Variants in UBE4B observed in about 807,000 individuals in gnomAD.
UBE4B encodes ubiquitination factor E4B.
Under a neutral mutation model 148.1 loss-of-function variants are expected in UBE4B, and 27 were observed. The ratio of observed to expected loss-of-function variants is 0.18; its 90% CI spans 0.13 to 0.25. The LOEUF (loss-of-function observed/expected upper bound fraction) is 0.25. Among genes scored for constraint, UBE4B ranks in the 10% least tolerant of loss-of-function variants. The pLI is 1.00. For missense variants in UBE4B, 1,170 were observed against 1,662.4 expected, an observed-to-expected ratio of 0.70 and a Z score of 5.15; for synonymous variants, 596 against 619.3, an observed-to-expected ratio of 0.96 and a Z score of 0.56.
intron 20 of UBE4B, among the ~76,000 whole-genome samples, chr1:10,149,841 T>C (rs1280460722): frequency 3.9e-5 from 6 of 152,102 alleles, no homozygotes; most frequent in Non-Finnish European, 8.8e-5. Flanking sequence ...GAGGGAGTGG[T>C]ATGTGAAGTC....
In UBE4B at chr1:10,100,180, C is replaced by CG. The variant is rs1325320177; in HGVS notation, c.348-925dup. Among the ~76,000 whole-genome samples, 7 of 151,986 alleles carry CG rather than the reference C, an allele frequency of 4.6e-5. No homozygotes were observed. In the South Asian group the frequency reaches 8.3e-4, roughly 18 times the overall value. On this transcript the variant is annotated intron_variant, in intron 3 of 27. Coordinates refer to ENST00000343090, the MANE Select transcript of UBE4B (RefSeq NM_001105562.3). The stretch of plus-strand genomic sequence containing the variant: ...AATTTTTTGTATTTTTTAGTAGAGA[C>CG]GGGTTTCACCATGTTAGCCAGGATG...
chr1:10,140,297 A>G (rs1645764219), intron 17 of UBE4B, among the ~76,000 whole-genome samples: 1 of 152,144 alleles, frequency 6.6e-6, no homozygotes, highest in Non-Finnish European at 1.5e-5. Context: ...ATTGATTTCT[A>G]GATAAATTCC....
intron 2 of UBE4B, among the ~76,000 whole-genome samples, chr1:10,084,753 A>G (rs1024849719): frequency 6.8e-6 from 1 of 147,084 alleles, no homozygotes; most frequent in African/African-American, 2.5e-5. Flanking sequence ...GCTGGAGTGC[A>G]GTGGTGCGAT....
At position 10,103,105 on chromosome 1, in the gene UBE4B, C is replaced by A; in HGVS notation, c.580+13C>A. Reference sequence around the variant, plus strand: ...AACCCAAAAGAAGGTAGGAATCTAGCTCAGCAGTCTTACTGCAGAGTACTC... The same window carrying A: ...AACCCAAAAGAAGGTAGGAATCTAGATCAGCAGTCTTACTGCAGAGTACTC... On this transcript the variant is annotated intron_variant, in intron 5 of 27. Coordinates refer to ENST00000343090, the MANE Select transcript of UBE4B (RefSeq NM_001105562.3). The A allele has an allele frequency of 6.3e-7, 1 of 1,594,080 alleles. No individual in the cohort carries two copies.
At chr1:10,147,650 C>T (rs562764156) in intron 19 of UBE4B, among the ~76,000 whole-genome samples, 13 of 152,144 alleles carry the variant, frequency 8.5e-5, no homozygotes, top group African/African-American at 3.1e-4. Flanking sequence ...TTAAAATTTG[C>T]TATAAAGTCT....
intron 2 of UBE4B, among the ~76,000 whole-genome samples, chr1:10,087,949 C>A (rs933503305): frequency 3.3e-5 from 5 of 152,190 alleles, no homozygotes; most frequent in African/African-American, 1.2e-4. Flanking sequence ...AACTCACACA[C>A]ATTTATTTTA....
Position 10,095,545 on chromosome 1 carries a change from C to G in UBE4B, c.296C>G (p.Ser99Cys). 1 of 1,614,174 alleles carries G rather than the reference C, an allele frequency of 6.2e-7. No individual in the cohort carries two copies. Among genetic ancestry groups the G allele is most frequent in the Non-Finnish European group, 8.5e-7 (1 of 1,180,032 alleles). ...PSNSLETQSQ[S>C]LSRSQSMDID... ...AATAGCCTTGAAACGCAATCTCAGT[C>G]TCTCTCACGTTCCCAGAGCATGGAT... is the stretch of plus-strand genomic sequence containing the variant. Residue 99 changes from serine to cysteine, a missense_variant, in exon 3 of 28, where the codon TCT (serine) becomes TGT (cysteine). Physicochemically the swap from Ser to Cys is moderately radical, Grantham distance 112 (BLOSUM62 -1). This residue lies in a region of UBE4B where 127 missense variants were observed against 153.2 expected (regional missense o/e 0.83). Transcript: ENST00000343090.
At chr1:10,056,714 G>A (rs1040561220) in intron 1 of UBE4B, among the ~76,000 whole-genome samples, 54 of 152,352 alleles carry the variant, frequency 3.5e-4, no homozygotes, top group African/African-American at 1.3e-3. Flanking sequence ...CCTGGCCAGC[G>A]CTAGCTACGC....
intron 1 of UBE4B, among the ~76,000 whole-genome samples, chr1:10,045,584 T>C (rs1402716281): frequency 6.6e-6 from 1 of 152,216 alleles, no homozygotes; most frequent in African/African-American, 2.4e-5. Context: ...AGCATTGTTC[T>C]AGACCATGAG....
In UBE4B at chr1:10,132,447, G is replaced by T. The variant is rs950908669; in HGVS notation, c.1990G>T (p.Val664Phe). Residue 664 changes from valine (V) to phenylalanine (F), a missense_variant, in exon 15 of 28, where the codon GTC becomes TTC. Physicochemically the swap from Val to Phe is conservative, Grantham distance 50. Transcript: ENST00000343090. ...GGCTGCTCTCAGTTACATGGCGGCTGTCGTCAATGCCAATATGAAGAAAGC... is the reference window on the plus strand; with the variant it reads ...GGCTGCTCTCAGTTACATGGCGGCTTTCGTCAATGCCAATATGAAGAAAGC... ...REAALSYMAA[V>F]VNANMKKAQM... The T allele has an allele frequency of 6.2e-7, 1 of 1,614,194 alleles. No homozygotes were observed. Among genetic ancestry groups the T allele is most frequent in the Non-Finnish European group, 8.5e-7 (1 of 1,180,022 alleles).
At chr1:10,150,217 C>T (rs558607535) in intron 20 of UBE4B, among the ~76,000 whole-genome samples, 1 of 151,992 alleles carries the variant, frequency 6.6e-6, no homozygotes, top group Non-Finnish European at 1.5e-5. Context: ...GCAACATACA[C>T]AAAAAAACCC....
intron 1 of UBE4B, among the ~76,000 whole-genome samples, chr1:10,041,879 G>A (rs979558489): frequency 2.0e-5 from 3 of 151,836 alleles, no homozygotes; most frequent in African/African-American, 7.3e-5. Context: ...TGTATTTTTA[G>A]TAGAGGGGTT....
At chr1:10,043,688 A>G (rs1453901513) in intron 1 of UBE4B, among the ~76,000 whole-genome samples, 1 of 152,052 alleles carries the variant, frequency 6.6e-6, no homozygotes. Flanking sequence ...TCAGCCTCCC[A>G]AAGTGCTGGG....
chr1:10,161,999 C>CTTTTCTTTTTTTTTTTTTTTTTTTTTTTT lies in UBE4B; in HGVS notation c.3198+717_3198+718insCTTTTTTTTTTTTTTTTTTTTTTTTTTTT, dbSNP rs1553154002. Among the ~76,000 whole-genome samples the CTTTTCTTTTTTTTTTTTTTTTTTTTTTTT allele has an allele frequency of 1.5e-4, 20 of 137,252 alleles. No homozygotes were observed. The highest frequency in any genetic ancestry group is 2.7e-4 in the Non-Finnish European group (17 of 62,924). The allele number at this position is 137,252 out of a possible 152,430, so 90.0% of individuals were successfully genotyped here. A position where few individuals can be genotyped will look rare whatever the true frequency, so the allele number is the denominator to read the frequency against. ...GGGGACTGCTTTTTCTTCACTTTTT[C>CTTTTCTTTTTTTTTTTTTTTTTTTTTTTT]TTTTTTTTTTTTTTTTGAGACGGAG... On this transcript the variant is annotated intron_variant, in intron 23 of 27. Transcript: ENST00000343090. This position sits in a 1 kb window ranked among gnomAD's most constrained non-coding sequence, Gnocchi z 4.1.
intron 25 of UBE4B, 99 bp downstream of exon 25, chr1:10,171,428 TG>T: frequency 1.4e-6 from 2 of 1,417,096 alleles, no homozygotes; most frequent in African/African-American, 1.4e-5. Flanking sequence ...TGAAGATGAG[TG>T]GGTTGTTTTC....
intron 1 of UBE4B, among the ~76,000 whole-genome samples, chr1:10,044,615 C>T (rs1643877300): frequency 2.0e-5 from 3 of 151,992 alleles, no homozygotes; most frequent in Non-Finnish European, 4.4e-5. Context: ...GCCTGTCTCG[C>T]TTTGTCACCC....
At position 10,106,442 on chromosome 1, in the gene UBE4B, G is replaced by A; in HGVS notation, c.1055G>A (p.Ser352Asn). 6.2e-7 allele frequency: 1 copy of A among 1,613,796 alleles called. No individual in the cohort carries two copies. Among genetic ancestry groups the A allele is most frequent in the Non-Finnish European group, 8.5e-7 (1 of 1,179,924 alleles). ...GTCTCCATTCTGTCGAGCTCCCCAA[G>A]TCCCCCTGCCCTCGCCAGTAGCCCC... ...SGVSILSSSP[S>N]PPALASSPQA... is the part of the protein sequence containing the mutation. The change falls in exon 7 of 28, where the codon AGT (serine) becomes AAT (asparagine). Residue 352 changes from serine to asparagine, a missense_variant. Around this residue, in one of 6 missense-constraint regions of UBE4B, gnomAD observed 214 missense variants for 209.1 expected, o/e 1.02. Coordinates refer to ENST00000343090, the MANE Select transcript of UBE4B (RefSeq NM_001105562.3). The surrounding 1 kb of genome is among the most constrained non-coding windows in gnomAD (Gnocchi z 4.2).
chr1:10,165,991 C>G (rs1204225587), intron 23 of UBE4B, among the ~76,000 whole-genome samples: 2 of 152,170 alleles, frequency 1.3e-5, no homozygotes, highest in Non-Finnish European at 2.9e-5. Flanking sequence ...TTAGGTAGTT[C>G]ACGCCTGGCT....
At chr1:10,150,352 C>T (rs1202721108) in intron 20 of UBE4B, among the ~76,000 whole-genome samples, 1 of 152,046 alleles carries the variant, frequency 6.6e-6, no homozygotes, top group Non-Finnish European at 1.5e-5. Context: ...AAAATTTGTT[C>T]TATGCACAGT....
Sources: allele counts gnomAD v4.1 joint callset (sites outside exome capture counted in the v4.1 genomes callset), GRCh38; gene constraint gnomAD v4.1.1; regional missense constraint gnomAD v4.1.1; non-coding constraint Gnocchi (gnomAD v3.1); transcripts MANE v1.5; gene names NCBI Gene and HGNC (gene_info 2026-07-23, HGNC 2026-07-21).